SYNCRIP: variants seen among roughly 807,000 people sequenced by gnomAD.
SYNCRIP encodes the protein heterogeneous nuclear ribonucleoprotein Q.
In SYNCRIP, 9 loss-of-function variants were observed where a neutral mutation model predicts 68.9. That is an observed-to-expected ratio of 0.13 (90% CI 0.08 to 0.23). The LOEUF (loss-of-function observed/expected upper bound fraction) is 0.23, where lower values mean the gene tolerates loss of function less well. SYNCRIP is among the 10% of genes least tolerant of loss of function. The probability of loss-of-function intolerance (pLI) is 1.00; values close to 1 mark genes in which losing one functional copy is unlikely to be tolerated. For synonymous variants in SYNCRIP, 258 were observed against 254.0 expected (o/e 1.02, Z -0.15); for missense variants, 414 against 770.6 (o/e 0.54, Z 5.48).
chr6:85,619,905 T>C (rs1806195673), intron 8 of SYNCRIP, among the ~76,000 whole-genome samples: 1 of 152,192 alleles, frequency 6.6e-6, no homozygotes, highest in South Asian at 2.1e-4. Context: ...AAAACTTACA[T>C]GCACACAAAA....
At chr6:85,633,368 C>G (rs1045836543) in intron 6 of SYNCRIP, among the ~76,000 whole-genome samples, 2 of 151,952 alleles carry the variant, frequency 1.3e-5, no homozygotes, top group African/African-American at 2.4e-5. Flanking sequence ...AAGCCGAGGC[C>G]GAGACTGGGG....
At chr6:85,610,672 A>G (rs1055341920), downstream of SYNCRIP, 9 of 152,054 alleles carry the variant, frequency 5.9e-5, no homozygotes, top group Non-Finnish European at 4.4e-5. Context: ...CTATGACAGT[A>G]AAGTGCCAAT....
chr6:85,634,139 T>C (rs1302443398), intron 6 of SYNCRIP, among the ~76,000 whole-genome samples: 2 of 152,208 alleles, frequency 1.3e-5, no homozygotes, highest in Admixed American at 1.3e-4. Flanking sequence ...AATAAGACTA[T>C]ATTCTAAGCA....
intron 8 of SYNCRIP, 30 bp downstream of exon 8, chr6:85,622,451 CA>C (rs760949103): frequency 6.2e-7 from 1 of 1,604,126 alleles, no homozygotes; most frequent in Non-Finnish European, 8.5e-7. Context: ...ATTAATCCCT[CA>C]AAAAATATTT....
At chr6:85,627,461 T>G (rs1244812410) in intron 6 of SYNCRIP, among the ~76,000 whole-genome samples, 1 of 152,096 alleles carries the variant, frequency 6.6e-6, no homozygotes, top group Admixed American at 6.6e-5. Flanking sequence ...ATGCTTTTTT[T>G]GTACGTGTAT....
chr6:85,614,959 G>A lies in SYNCRIP; in HGVS notation c.1669C>T (p.Arg557Cys), dbSNP rs917506847. Residue 557 changes from arginine to cysteine, a missense_variant, in exon 11 of 11, where the codon CGC becomes TGC. Physicochemically the swap from Arg to Cys is radical, Grantham distance 180 (BLOSUM62 -3). This residue lies in a region of SYNCRIP where 130 missense variants were observed against 149.0 expected (regional missense o/e 0.87). Transcript: ENST00000369622. ...GRGVRGARGGRGGNVGGKRKA... is the reference protein window; with the variant it reads ...GRGVRGARGGCGGNVGGKRKA... ...CGCTTTCCTCCTACATTTCCACCGC[G>A]GCCACCCCTCGCACCACGTACCCCG... 15 of 1,613,664 alleles carry A rather than the reference G, an allele frequency of 9.3e-6. No homozygotes were observed. Among genetic ancestry groups the A allele is most frequent in the Non-Finnish European group, 1.2e-5 (14 of 1,179,892 alleles).
downstream of SYNCRIP, among the ~76,000 whole-genome samples, chr6:85,613,170 G>GT (rs776990330): frequency 2.3e-4 from 35 of 149,182 alleles, no homozygotes; most frequent in Non-Finnish European, 4.4e-4. Flanking sequence ...ACCCCATTTT[G>GT]TTCACAAACT....
intron 6 of SYNCRIP, among the ~76,000 whole-genome samples, chr6:85,633,900 G>A (rs1040004126): frequency 3.3e-5 from 5 of 152,094 alleles, no homozygotes; most frequent in African/African-American, 1.2e-4. Flanking sequence ...GGGACTACAG[G>A]TGTGAGCAAC....
At chr6:85,613,954 T>C (rs760426589), downstream of SYNCRIP, 47 of 978,956 alleles carry the variant, frequency 4.8e-5, no homozygotes, top group Non-Finnish European at 5.3e-5. Context: ...TTAAGAACTC[T>C]AAAATACTTA....
chr6:85,630,451 C>A (rs887153523), intron 6 of SYNCRIP, among the ~76,000 whole-genome samples: 15 of 152,210 alleles, frequency 9.9e-5, no homozygotes, highest in African/African-American at 3.6e-4. Context: ...AGCATTTCAT[C>A]AGGATATTTC....
At chr6:85,611,708 T>C (rs1241460526), downstream of SYNCRIP, 3 of 152,432 alleles carry the variant, frequency 2.0e-5, no homozygotes, top group Non-Finnish European at 4.4e-5. Flanking sequence ...CACAAATGAT[T>C]GTACTCTACT....
downstream of SYNCRIP, chr6:85,612,802 G>A: frequency 2.7e-6 from 4 of 1,493,586 alleles, no homozygotes; most frequent in Non-Finnish European, 3.6e-6. Context: ...CTATACAGCC[G>A]ACATATTTAA....
rs780987602 is a variant in SYNCRIP, at chr6:85,618,798, A to G, written c.1280+20T>C. The G allele has an allele frequency of 4.4e-5, 69 of 1,558,798 alleles. No individual in the cohort carries two copies. The South Asian group carries it at 8.0e-4, about 18-fold the overall frequency. ...AATATTAAAATTTATACAATTTTTA[A>G]GTATACAAATTTCACTCACATTTGA... On this transcript the variant is annotated intron_variant, in intron 10 of 10. Coordinates refer to ENST00000369622, the MANE Select transcript of SYNCRIP (RefSeq NM_006372.5).
intron 8 of SYNCRIP, 91 bp downstream of exon 8, chr6:85,622,391 G>T: frequency 1.6e-6 from 2 of 1,214,258 alleles, no homozygotes; most frequent in Non-Finnish European, 1.2e-6. Context: ...ATAAAAAAAT[G>T]TATACTGTTC....
At chr6:85,638,028 T>C (rs1434174959) in intron 4 of SYNCRIP, among the ~76,000 whole-genome samples, 1 of 152,152 alleles carries the variant, frequency 6.6e-6, no homozygotes, top group Non-Finnish European at 1.5e-5. Flanking sequence ...TTTACACAAC[T>C]CATATTTACT....
intron 6 of SYNCRIP, among the ~76,000 whole-genome samples, chr6:85,630,490 G>T (rs749612197): frequency 6.6e-6 from 1 of 152,208 alleles, no homozygotes; most frequent in African/African-American, 2.4e-5. Flanking sequence ...TGGAATTGCA[G>T]CATCACCAGC....
At chr6:85,619,218 G>T in intron 9 of SYNCRIP, 50 bp downstream of exon 9, 1 of 1,592,168 alleles carries the variant, frequency 6.3e-7, no homozygotes. Flanking sequence ...ATTCTAAAAT[G>T]ACTAAATTTG....
chr6:85,616,571 A>T (rs978154468), intron 10 of SYNCRIP, among the ~76,000 whole-genome samples: 1 of 149,288 alleles, frequency 6.7e-6, no homozygotes, highest in African/African-American at 2.4e-5. Flanking sequence ...TGATCCACCC[A>T]CCTCGGCCTA....
intron 6 of SYNCRIP, among the ~76,000 whole-genome samples, chr6:85,626,853 G>A (rs1437812592): frequency 6.6e-6 from 1 of 152,138 alleles, no homozygotes; most frequent in Non-Finnish European, 1.5e-5. Context: ...AGTTAGCCAA[G>A]GCATGGTAGG....
Sources: gnomAD v4.1 joint callset for allele counts (sites outside exome capture counted in the v4.1 genomes callset) on GRCh38, gnomAD v4.1.1 for gene constraint, gnomAD v4.1.1 regional missense constraint, MANE v1.5 for transcripts, NCBI Gene and HGNC (gene_info 2026-07-23, HGNC 2026-07-21) for gene names.